SYNE2: variants seen among roughly 807,000 people sequenced by gnomAD.
The protein encoded by SYNE2 is spectrin repeat containing nuclear envelope protein 2.
A neutral mutation model predicts 856.3 loss-of-function variants in SYNE2; 431 were observed. That is an observed-to-expected ratio of 0.50 (90% CI 0.47 to 0.55). The LOEUF (loss-of-function observed/expected upper bound fraction) is 0.55. SYNE2 is among the 20% of genes least tolerant of loss of function. The probability of loss-of-function intolerance (pLI) is 0.00; values close to 1 mark genes in which losing one functional copy is unlikely to be tolerated. For missense variants in SYNE2, 8,129 were observed against 8,023.2 expected (o/e 1.01, Z -0.50); for synonymous variants, 2,923 against 2,872.3 (o/e 1.02, Z -0.56).
intron 43 of SYNE2, among the ~76,000 whole-genome samples, chr14:64,028,849 G>A (rs763161834): frequency 9.2e-5 from 14 of 151,998 alleles, no homozygotes; most frequent in Non-Finnish European, 1.5e-4. Flanking sequence ...AAATAATTAC[G>A]AGGCAGGCTG....
intron 96 of SYNE2, among the ~76,000 whole-genome samples, chr14:64,180,077 C>A (rs2098451085): frequency 6.6e-6 from 1 of 152,170 alleles, no homozygotes; most frequent in Non-Finnish European, 1.5e-5. Flanking sequence ...GATCCATTTT[C>A]TAATTTTATT....
chr14:63,983,585 G>A (rs1856730981), intron 17 of SYNE2, 152 bp from the exon 18 acceptor site: 1 of 668,008 alleles, frequency 1.5e-6, no homozygotes, highest in African/African-American at 1.8e-5. Context: ...TGAGATGTAG[G>A]TGTTTTATGT....
chr14:64,104,312 T>C (rs2097757001), intron 64 of SYNE2, among the ~76,000 whole-genome samples: 1 of 151,942 alleles, frequency 6.6e-6, no homozygotes, highest in Non-Finnish European at 1.5e-5. Flanking sequence ...CCTTTAACTT[T>C]CTTAATTCTG....
chr14:63,888,255 T>G (rs1429987690), intron 1 of SYNE2, among the ~76,000 whole-genome samples: 1 of 152,158 alleles, frequency 6.6e-6, no homozygotes, highest in Non-Finnish European at 1.5e-5. Flanking sequence ...GACATGGTAT[T>G]GCCCCCTCAT....
intron 38 of SYNE2, 173 bp downstream of exon 38, chr14:64,023,036 C>T (rs1401082568): frequency 1.7e-6 from 1 of 595,138 alleles, no homozygotes. Flanking sequence ...CGAGACCAGC[C>T]TGGGTCTCGA....
At chr14:64,155,802 C>T in intron 85 of SYNE2, among the ~76,000 whole-genome samples, 1 of 152,206 alleles carries the variant, frequency 6.6e-6, no homozygotes, top group East Asian at 1.9e-4. Context: ...GTGGCATGCA[C>T]CTGTAATCCC....
intron 65 of SYNE2, among the ~76,000 whole-genome samples, chr14:64,109,549 G>A (rs2097791916): frequency 6.6e-6 from 1 of 152,138 alleles, no homozygotes; most frequent in Non-Finnish European, 1.5e-5. Context: ...GAACTATTAG[G>A]CTCCAGTGAC....
intron 1 of SYNE2, among the ~76,000 whole-genome samples, chr14:63,773,141 T>C (rs772586826): frequency 1.5e-4 from 22 of 147,952 alleles, no homozygotes; most frequent in Non-Finnish European, 2.8e-4. Flanking sequence ...TATAATAAAT[T>C]TTACTGTTTA....
At chr14:63,950,982 G>A (rs1035084691) in intron 7 of SYNE2, among the ~76,000 whole-genome samples, 10 of 151,814 alleles carry the variant, frequency 6.6e-5, no homozygotes, top group African/African-American at 2.4e-4. Flanking sequence ...AAAAATTGGG[G>A]ATAATGAAGG....
chr14:63,898,226 C>T (rs1185063679), intron 1 of SYNE2, among the ~76,000 whole-genome samples: 1 of 152,150 alleles, frequency 6.6e-6, no homozygotes, highest in Non-Finnish European at 1.5e-5. Context: ...GCTTGCACCC[C>T]AAACCTCCCT....
chr14:64,125,446 CATG>C (rs1275104677), intron 71 of SYNE2, among the ~76,000 whole-genome samples: 1 of 152,098 alleles, frequency 6.6e-6, no homozygotes, highest in Non-Finnish European at 1.5e-5. Context: ...GAAAGAGGAT[CATG>C]ATTGATGAGT....
At chr14:63,824,376 C>A (rs1278594068) in intron 1 of SYNE2, among the ~76,000 whole-genome samples, 1 of 152,042 alleles carries the variant, frequency 6.6e-6, no homozygotes, top group East Asian at 1.9e-4. Flanking sequence ...CGGTGGCTCA[C>A]CTCTGTAATA....
At chr14:63,773,301 A>G (rs921319128) in intron 1 of SYNE2, among the ~76,000 whole-genome samples, 1 of 151,976 alleles carries the variant, frequency 6.6e-6, no homozygotes, top group Admixed American at 6.6e-5. Flanking sequence ...CCGGGCTCAA[A>G]CAATCCTCCC....
rs933869133 is a variant in SYNE2 at position 63,832,804 on chromosome 14, G to C, written c.-304-19697G>C. 2.0e-5 allele frequency among the ~76,000 whole-genome samples: 3 copies of C among 148,036 alleles called. No individual in the cohort carries two copies. The South Asian group carries it at 6.5e-4, about 32-fold the overall frequency. On this transcript the variant is annotated intron_variant, in intron 1 of 23. Transcript: ENST00000674003. ...AACACTTTGGGAGGCAGAGGCGGGA[G>C]GTTAGCTTGAACCCAGGAGTTCAAG...
At chr14:63,974,013 T>G (rs1349510067) in intron 11 of SYNE2, among the ~76,000 whole-genome samples, 1 of 152,144 alleles carries the variant, frequency 6.6e-6, no homozygotes, top group Non-Finnish European at 1.5e-5. Context: ...GAGGATTGCT[T>G]GAGGCCAGGA....
At chr14:64,027,443 C>A in intron 42 of SYNE2, 41 bp from the exon 43 acceptor site, 3 of 1,370,514 alleles carry the variant, frequency 2.2e-6, no homozygotes. Flanking sequence ...GTCCATTTTG[C>A]TAAATATCAT....
chr14:63,942,566 G>A (rs2095937315), intron 6 of SYNE2, among the ~76,000 whole-genome samples: 3 of 151,834 alleles, frequency 2.0e-5, no homozygotes, highest in African/African-American at 4.8e-5. Context: ...TGCAGTCTTG[G>A]CTCACTGCAA....
chr14:64,144,050 C>T, intron 83 of SYNE2, 102 bp downstream of exon 83: 7 of 1,338,370 alleles, frequency 5.2e-6, no homozygotes, highest in African/African-American at 1.4e-5. Flanking sequence ...ATTATTAAGC[C>T]TAATAATCAT....
At chr14:63,889,694 T>G (rs2095082227) in intron 1 of SYNE2, among the ~76,000 whole-genome samples, 1 of 152,160 alleles carries the variant, frequency 6.6e-6, no homozygotes, top group Admixed American at 6.5e-5. Context: ...CCTGGGCTGG[T>G]GTGAAACCCC....
Sources: allele counts gnomAD v4.1 joint callset (sites outside exome capture counted in the v4.1 genomes callset), GRCh38; gene constraint gnomAD v4.1.1; transcripts MANE v1.5; gene names NCBI Gene and HGNC (gene_info 2026-07-23, HGNC 2026-07-21).